Variants in JARID2 observed in about 807,000 individuals in gnomAD.
The protein encoded by JARID2 is jumonji and AT-rich interaction domain containing 2.
Under a neutral mutation model 125.6 loss-of-function variants are expected in JARID2, and 21 were observed. That is an observed-to-expected ratio of 0.17 (90% CI 0.12 to 0.24). JARID2 has a LOEUF of 0.24. JARID2 is among the 10% of genes least tolerant of loss of function. JARID2 has a pLI of 1.00. For synonymous variants in JARID2, 736 were observed against 661.6 expected (o/e 1.11, Z -1.73); for missense variants, 1,303 against 1,639.6 (o/e 0.79, Z 3.55).
intron 1 of JARID2, among the ~76,000 whole-genome samples, chr6:15,284,765 G>A (rs893924071): frequency 1.8e-4 from 27 of 152,212 alleles, no homozygotes; most frequent in Admixed American, 1.5e-3. Context: ...GGGATTACAG[G>A]TGTGAGCCAC....
chr6:15,519,050 G>A (rs1294930852), intron 17 of JARID2, among the ~76,000 whole-genome samples: 1 of 152,206 alleles, frequency 6.6e-6, no homozygotes, highest in Non-Finnish European at 1.5e-5. Context: ...GCTGAGCAGG[G>A]TGTTGGGCCG....
chr6:15,515,056 T>G (rs7745729), intron 16 of JARID2, among the ~76,000 whole-genome samples: 37,427 of 151,936 alleles, frequency 0.25, 7,183 homozygotes, highest in African/African-American at 0.53. Context: ...TCTTTTTTTT[T>G]TTTGTTTGTT....
At chr6:15,278,760 C>T (rs951857409) in intron 1 of JARID2, among the ~76,000 whole-genome samples, 1 of 151,980 alleles carries the variant, frequency 6.6e-6, no homozygotes, top group African/African-American at 2.4e-5. Flanking sequence ...GATTGGAGGA[C>T]TGGTTTGGGT....
At chr6:15,400,803 CCGCG>C in intron 2 of JARID2, 3 of 1,242,848 alleles carry the variant, frequency 2.4e-6, no homozygotes, top group Non-Finnish European at 3.1e-6. Context: ...CGTCCTATTG[CCGCG>C]CGGAATCTGC....
In JARID2 at chr6:15,488,974, G is replaced by A. The variant is rs958524839; in HGVS notation, c.906+1432G>A. On this transcript the variant is annotated intron_variant, in intron 6 of 17. Transcript: ENST00000341776. ...GAGGCACAAAGCCCAGGGAGGCACCGAGCTTTGGTCCTGGGTCTGTGATTC... is the reference window on the plus strand; with the variant it reads ...GAGGCACAAAGCCCAGGGAGGCACCAAGCTTTGGTCCTGGGTCTGTGATTC... Among the ~76,000 whole-genome samples the A allele has an allele frequency of 4.6e-5, 7 of 152,296 alleles. 1 individual carries two copies. In the South Asian group the frequency reaches 1.0e-3, roughly 23 times the overall value.
intron 1 of JARID2, among the ~76,000 whole-genome samples, chr6:15,277,587 A>T (rs1277021234): frequency 6.6e-6 from 1 of 152,192 alleles, no homozygotes; most frequent in Non-Finnish European, 1.5e-5. Context: ...AAACTGAAAC[A>T]AAGGTCCGAC....
intron 1 of JARID2, among the ~76,000 whole-genome samples, chr6:15,304,544 C>T (rs1034448575): frequency 3.9e-5 from 6 of 152,160 alleles, no homozygotes; most frequent in Admixed American, 2.6e-4. Flanking sequence ...TTCACAGACT[C>T]CCATATCTAG....
chr6:15,496,767 T>G lies in JARID2; in HGVS notation c.1542T>G (p.His514Gln), dbSNP rs1260237835. The change falls in exon 7 of 18, where the codon CAT becomes CAG. Residue 514 changes from histidine (H) to glutamine (Q), a missense_variant. His to Gln is a conservative substitution (Grantham distance 24, BLOSUM62 0). Transcript: ENST00000341776. ...AGAGCACGCCAGGCAGACAAGCACA[T>G]GGCAAGGCGGACAGCGCCTCCTGTG... is the stretch of plus-strand genomic sequence containing the variant. ...AGKSTPGRQA[H>Q]GKADSASCEN... 6.2e-7 allele frequency: 1 copy of G among 1,613,256 alleles called. No homozygotes were observed. Among genetic ancestry groups the G allele is most frequent in the Non-Finnish European group, 8.5e-7 (1 of 1,179,810 alleles).
chr6:15,346,574 A>G (rs1438568032), intron 1 of JARID2, among the ~76,000 whole-genome samples: 1 of 151,760 alleles, frequency 6.6e-6, no homozygotes, highest in Non-Finnish European at 1.5e-5. Context: ...TGGTTGATGC[A>G]TCTGTGTACC....
intron 16 of JARID2, 43 bp downstream of exon 16, chr6:15,513,465 T>C (rs1313215959): frequency 1.3e-6 from 2 of 1,542,430 alleles, no homozygotes; most frequent in Non-Finnish European, 1.8e-6. Flanking sequence ...ATGTAGTGCT[T>C]GGCCTGAGAG....
intron 4 of JARID2, among the ~76,000 whole-genome samples, chr6:15,457,072 T>G (rs1768216662): frequency 6.6e-6 from 1 of 152,166 alleles, no homozygotes; most frequent in Admixed American, 6.5e-5. Flanking sequence ...GTATAATACA[T>G]ATTTTTCCTG....
chr6:15,481,425 T>G (rs548133965), intron 5 of JARID2, among the ~76,000 whole-genome samples: 1 of 152,324 alleles, frequency 6.6e-6, no homozygotes, highest in African/African-American at 2.4e-5. Context: ...CTCTCTCTTA[T>G]GTTCACAGGG....
intron 1 of JARID2, among the ~76,000 whole-genome samples, chr6:15,261,004 A>C (rs1759850776): frequency 6.6e-6 from 1 of 152,096 alleles, no homozygotes; most frequent in African/African-American, 2.4e-5. Context: ...AATTTATTGG[A>C]GCATTAGGCA....
At chr6:15,438,093 G>C (rs2127612614) in intron 3 of JARID2, among the ~76,000 whole-genome samples, 1 of 152,270 alleles carries the variant, frequency 6.6e-6, no homozygotes, top group East Asian at 1.9e-4. Flanking sequence ...AATGGGTTGT[G>C]GGGTGGTGGG....
At chr6:15,254,330 A>G (rs1011574620) in intron 1 of JARID2, among the ~76,000 whole-genome samples, 2 of 152,130 alleles carry the variant, frequency 1.3e-5, no homozygotes, top group Non-Finnish European at 2.9e-5. Context: ...TTGATTTCCC[A>G]GGGCTGTTGA....
chr6:15,268,854 A>G (rs1360829625), intron 1 of JARID2, among the ~76,000 whole-genome samples: 1 of 152,218 alleles, frequency 6.6e-6, no homozygotes, highest in Non-Finnish European at 1.5e-5. Context: ...ACAGAACAAA[A>G]TAAAAACTTC....
intron 3 of JARID2, among the ~76,000 whole-genome samples, chr6:15,420,176 G>A (rs922479073): frequency 5.3e-5 from 8 of 152,110 alleles, no homozygotes; most frequent in Admixed American, 1.3e-4. Flanking sequence ...AGGCCGAGGC[G>A]GGTGGATCAC....
At chr6:15,262,654 C>T (rs1407853781) in intron 1 of JARID2, among the ~76,000 whole-genome samples, 1 of 151,294 alleles carries the variant, frequency 6.6e-6, no homozygotes, top group South Asian at 2.1e-4. Context: ...TCTCTTGCCT[C>T]AGCCTTCCGA....
intron 3 of JARID2, among the ~76,000 whole-genome samples, chr6:15,420,613 C>T (rs1581538209): frequency 6.6e-6 from 1 of 152,144 alleles, no homozygotes; most frequent in East Asian, 1.9e-4. Context: ...CTTTGCATGT[C>T]TGGTAGCTTT....
Sources: gnomAD v4.1 joint callset for allele counts (sites outside exome capture counted in the v4.1 genomes callset) on GRCh38, gnomAD v4.1.1 for gene constraint, MANE v1.5 for transcripts, NCBI Gene and HGNC (gene_info 2026-07-23, HGNC 2026-07-21) for gene names.